GOSR1: variants seen among roughly 807,000 people sequenced by gnomAD.
GOSR1 encodes the protein golgi SNAP receptor complex member 1.
Under a neutral mutation model 35.5 loss-of-function variants are expected in GOSR1, and 21 were observed. The observed-to-expected ratio is 0.59, with a 90% CI of 0.42 to 0.85. GOSR1 has a LOEUF of 0.85. Ranked by LOEUF, GOSR1 falls within the 40% of genes least tolerant of loss-of-function variation. The pLI is 0.00. For missense variants in GOSR1, 285 were observed against 309.6 expected (o/e 0.92, Z 0.60); for synonymous variants, 94 against 106.6 (o/e 0.88, Z 0.73).
chr17:30,489,412 G>A (rs1914882743), intron 4 of GOSR1, among the ~76,000 whole-genome samples: 1 of 152,136 alleles, frequency 6.6e-6, no homozygotes, highest in African/African-American at 2.4e-5. Context: ...TAATTTCCTG[G>A]AAGAAAATAC....
intron 8 of GOSR1, 196 bp downstream of exon 8, chr17:30,520,217 CAG>C (rs1967975127): frequency 2.2e-6 from 1 of 454,266 alleles, no homozygotes; most frequent in Admixed American, 3.7e-5. Flanking sequence ...GACTGCACCT[CAG>C]AAGTTTCTTA....
rs182344580 is a variant in GOSR1 at position 30,503,690 on chromosome 17, C to A, written c.510-7190C>A. On this transcript the variant is annotated intron_variant, in intron 6 of 8. Transcript: ENST00000451249. The stretch of plus-strand genomic sequence containing the variant: ...CAATTTGAGAAGACATTTAGGAATC[C>A]CTGGCTTTTCTCTGTTGATGCCACC... 3.2e-3 allele frequency among the ~76,000 whole-genome samples: 492 copies of A among 152,218 alleles called. 4 individuals carry two copies. Among genetic ancestry groups the A allele is most frequent in the African/African-American group, 0.011 (468 of 41,526 alleles).
intron 6 of GOSR1, among the ~76,000 whole-genome samples, chr17:30,506,882 G>A (rs1365676703): frequency 1.3e-5 from 2 of 152,092 alleles, no homozygotes; most frequent in Admixed American, 1.3e-4. Context: ...TAACAGTTAT[G>A]CTCAATCTAC....
At chr17:30,518,784 A>G (rs1967913500) in intron 7 of GOSR1, among the ~76,000 whole-genome samples, 1 of 150,606 alleles carries the variant, frequency 6.6e-6, no homozygotes, top group Admixed American at 6.6e-5. Context: ...TAAAAATTAG[A>G]AAAAAAAAAT....
chr17:30,511,391 T>G (rs950104492), intron 7 of GOSR1, among the ~76,000 whole-genome samples: 7 of 152,230 alleles, frequency 4.6e-5, no homozygotes, highest in African/African-American at 1.7e-4. Context: ...GCTTTCTAGG[T>G]TTGATGAATT....
In GOSR1 at chr17:30,481,160, C is replaced by G; in HGVS notation, c.49C>G (p.Arg17Gly). ...TGTTAAAGATCTCAGGAAACAGGCTCGACAGCTGGAAAATGAACTTGACCT... is the reference window on the plus strand; with the variant it reads ...TGTTAAAGATCTCAGGAAACAGGCTGGACAGCTGGAAAATGAACTTGACCT... ...SYWEDLRKQA[R>G]QLENELDLKL... Residue 17 changes from arginine (R) to glycine (G), a missense_variant, in exon 2 of 9, where the codon CGA (arginine) becomes GGA (glycine). Physicochemically the swap from Arg to Gly is moderately radical, Grantham distance 125 (BLOSUM62 -2). Transcript: ENST00000451249. 1 of 1,598,168 alleles carries G rather than the reference C, an allele frequency of 6.3e-7. No homozygotes were observed. Among genetic ancestry groups the G allele is most frequent in the South Asian group, 1.1e-5 (1 of 90,794 alleles).
At chr17:30,486,500 G>A (rs1343745709) in intron 4 of GOSR1, among the ~76,000 whole-genome samples, 1 of 151,034 alleles carries the variant, frequency 6.6e-6, no homozygotes, top group Admixed American at 6.6e-5. Context: ...CTCCAGCCTG[G>A]GCAACAGAGT....
At chr17:30,500,245 G>C (rs1039956989) in intron 6 of GOSR1, among the ~76,000 whole-genome samples, 2 of 152,040 alleles carry the variant, frequency 1.3e-5, no homozygotes, top group African/African-American at 4.8e-5. Flanking sequence ...AGAAATCTTG[G>C]CTATCCTAAG....
chr17:30,477,547 G>A (rs1914018976), intron 1 of GOSR1, 83 bp downstream of exon 1: 3 of 1,489,882 alleles, frequency 2.0e-6, no homozygotes, highest in African/African-American at 2.8e-5. Flanking sequence ...AGCAGCACAG[G>A]AAAGAACCAG....
intron 4 of GOSR1, among the ~76,000 whole-genome samples, chr17:30,487,668 TCA>T (rs2143658341): frequency 6.6e-6 from 1 of 152,352 alleles, no homozygotes; most frequent in East Asian, 1.9e-4. Flanking sequence ...AAAAGGGTAC[TCA>T]TATATTGCTG....
intron 6 of GOSR1, among the ~76,000 whole-genome samples, chr17:30,505,576 C>G (rs1021185121): frequency 6.6e-6 from 1 of 152,170 alleles, no homozygotes; most frequent in African/African-American, 2.4e-5. Flanking sequence ...CTTCGTGTCT[C>G]TGTGTTACAT....
chr17:30,509,507 A>G (rs1967537907), intron 6 of GOSR1, among the ~76,000 whole-genome samples: 1 of 152,246 alleles, frequency 6.6e-6, no homozygotes, highest in African/African-American at 2.4e-5. Flanking sequence ...ACTTCGTAGC[A>G]TGAACTTAGA....
rs1234689495 is a variant in GOSR1 at position 30,524,906 on chromosome 17, GT to G, written c.*2530del. On this transcript the variant is annotated 3_prime_UTR_variant, in exon 9 of 9. Transcript: ENST00000451249. ...CAAACATCCAGAGAATGGTTTCACT[GT>G]TGAGGGTGCATGTGGCAGAATCTGT... The G allele has an allele frequency of 6.6e-6, 1 of 152,222 alleles. No individual in the cohort carries two copies. Among genetic ancestry groups the G allele is most frequent in the Non-Finnish European group, 1.5e-5 (1 of 68,044 alleles). The allele number at this position is 152,222 out of a possible 1,614,324, so 9.4% of individuals were successfully genotyped here.
intron 5 of GOSR1, among the ~76,000 whole-genome samples, chr17:30,491,487 C>A (rs1171716086): frequency 6.6e-6 from 1 of 151,864 alleles, no homozygotes; most frequent in Non-Finnish European, 1.5e-5. Flanking sequence ...GGTGAAACCC[C>A]GTCTCTACTA....
rs1398288209 is a variant in GOSR1, at chr17:30,523,871, AAG to A, written c.*1495_*1496del. On this transcript the variant is annotated 3_prime_UTR_variant, in exon 9 of 9. Transcript: ENST00000451249. ...GAGACTTTTCATTTTGTTCTGTACTAAGAAAAATTCTTCTGCCTTGGGATCCT... is the reference window on the plus strand; with the variant it reads ...GAGACTTTTCATTTTGTTCTGTACTAAAAAATTCTTCTGCCTTGGGATCCT... The A allele has an allele frequency of 4.6e-6, 1 of 215,730 alleles. No individual in the cohort carries two copies. Among genetic ancestry groups the A allele is most frequent in the African/African-American group, 2.4e-5 (1 of 41,738 alleles). The allele number at this position is 215,730 out of a possible 1,614,324, so 13.4% of individuals were successfully genotyped here.
intron 6 of GOSR1, among the ~76,000 whole-genome samples, chr17:30,508,703 G>A (rs1967499725): frequency 6.6e-6 from 1 of 152,228 alleles, no homozygotes; most frequent in Admixed American, 6.5e-5. Context: ...GATTTACAAT[G>A]TGTAGTTATT....
At chr17:30,507,099 G>T (rs1217758095) in intron 6 of GOSR1, among the ~76,000 whole-genome samples, 2 of 152,192 alleles carry the variant, frequency 1.3e-5, no homozygotes, top group African/African-American at 2.4e-5. Context: ...AGCCGACACA[G>T]CATTCATTCT....
chr17:30,492,588 C>G (rs1008267249), intron 5 of GOSR1, 91 bp from the exon 6 acceptor site: 4 of 724,934 alleles, frequency 5.5e-6, no homozygotes, highest in Non-Finnish European at 9.7e-6. Context: ...TGGAGAGGCT[C>G]AATTTTTCTA....
At chr17:30,510,389 T>C (rs918297935) in intron 6 of GOSR1, among the ~76,000 whole-genome samples, 16 of 152,100 alleles carry the variant, frequency 1.1e-4, no homozygotes, top group Admixed American at 1.0e-3. Context: ...ATGGAAATTA[T>C]ATATATTGTA....
Sources: allele counts gnomAD v4.1 joint callset (sites outside exome capture counted in the v4.1 genomes callset), GRCh38; gene constraint gnomAD v4.1.1; transcripts MANE v1.5; gene names NCBI Gene and HGNC (gene_info 2026-07-23, HGNC 2026-07-21).